Variants in COL6A3 observed in about 807,000 individuals in gnomAD.
The protein encoded by COL6A3 is collagen type VI alpha 3 chain, also known as collagen alpha-3(VI) chain.
COL6A3 carries 137 observed loss-of-function variants against 274.1 expected under a neutral mutation model. The observed-to-expected ratio is 0.50, with a 90% CI of 0.44 to 0.58. The LOEUF is 0.58. Ranked by LOEUF, COL6A3 falls within the 20% of genes least tolerant of loss-of-function variation. COL6A3 has a pLI of 0.00. For synonymous variants in COL6A3, 1,650 were observed against 1,650.6 expected, an observed-to-expected ratio of 1.00 and a Z score of 0.01; for missense variants, 3,950 against 4,124.9, an observed-to-expected ratio of 0.96 and a Z score of 1.16.
chr2:237,375,638 G>A (rs1406910673), intron 7 of COL6A3, among the ~76,000 whole-genome samples: 1 of 152,168 alleles, frequency 6.6e-6, no homozygotes, highest in East Asian at 1.9e-4. Context: ...CGCCTCCCGG[G>A]TTCAAGTGAT....
Position 237,344,279 on chromosome 2 carries a change from G to T in COL6A3, c.7668+71C>A. The stretch of plus-strand genomic sequence containing the variant: ...GGGACATGAAGCCACAAAGGAGCAT[G>T]GACGTGTCTGAGAACCTTCTCAGAG... On this transcript the variant is annotated intron_variant, in intron 36 of 43. Transcript: ENST00000295550. This position sits in a 1 kb window ranked among gnomAD's most constrained non-coding sequence, Gnocchi z 4.8. 1 of 1,608,840 alleles carries T rather than the reference G, an allele frequency of 6.2e-7. No individual in the cohort carries two copies. The highest frequency in any genetic ancestry group is 8.5e-7 in the Non-Finnish European group (1 of 1,176,354).
intron 36 of COL6A3, chr2:237,342,590 C>T: frequency 5.4e-6 from 1 of 185,790 alleles, no homozygotes; most frequent in Non-Finnish European, 1.1e-5. Context: ...AAGCAAGTAA[C>T]AAAATCACTC....
chr2:237,335,701 G>A (rs1203531891), intron 40 of COL6A3, among the ~76,000 whole-genome samples: 1 of 152,222 alleles, frequency 6.6e-6, no homozygotes, highest in Non-Finnish European at 1.5e-5. Flanking sequence ...TTCAAGGCAT[G>A]TTCTAAGGTA....
chr2:237,345,456 G>A (rs75846208), intron 32 of COL6A3, among the ~76,000 whole-genome samples: 1 of 152,176 alleles, frequency 6.6e-6, no homozygotes, highest in Non-Finnish European at 1.5e-5. Flanking sequence ...TCTGAAACCA[G>A]GAAGCTCACC....
At chr2:237,382,678 T>C (rs556881739) in intron 4 of COL6A3, among the ~76,000 whole-genome samples, 2 of 152,370 alleles carry the variant, frequency 1.3e-5, no homozygotes, top group East Asian at 1.9e-4. Context: ...TTCCATCAGA[T>C]AGATTGCATG....
rs886043939 is a variant in COL6A3, at chr2:237,366,891, G to A, written c.5296C>T (p.Leu1766Phe). Residue 1766 changes from leucine (L) to phenylalanine (F), a missense_variant, in exon 11 of 44, where the codon CTC (leucine) becomes TTC (phenylalanine). Physicochemically the swap from Leu to Phe is conservative, Grantham distance 22 (BLOSUM62 0). Coordinates refer to ENST00000295550, the MANE Select transcript of COL6A3 (RefSeq NM_004369.4). ...AACACTTTGACCCCCCTCTGGGTGA[G>A]GGCCAGGCTCACATCCTGTGCATCT... ...VEDAQDVSLA[L>F]TQRGVKVFAV... 3 of 1,614,200 alleles carry A rather than the reference G, an allele frequency of 1.9e-6. No homozygotes were observed. The highest frequency in any genetic ancestry group is 8.5e-7 in the Non-Finnish European group (1 of 1,180,034).
At chr2:237,345,139 G>A (rs760030485) in intron 33 of COL6A3, 42 bp downstream of exon 33, 3 of 1,613,890 alleles carry the variant, frequency 1.9e-6, no homozygotes, top group Non-Finnish European at 2.5e-6. Flanking sequence ...CAAATCAAAG[G>A]CTCATGAGGT....
rs1421946314 is a variant in COL6A3, at chr2:237,355,049, C to A, written c.6592-115G>T. On this transcript the variant is annotated intron_variant, in intron 23 of 43. Transcript: ENST00000295550. Reference sequence around the variant, plus strand: ...TCTGCGGTTACTCAGGGGAATCTTCCCAAGCACCCACATCGTGCCAAGAAC... The same window carrying A: ...TCTGCGGTTACTCAGGGGAATCTTCACAAGCACCCACATCGTGCCAAGAAC... The A allele has an allele frequency of 5.1e-6, 5 of 973,744 alleles. No homozygotes were observed. The South Asian group carries it at 7.4e-5, about 14-fold the overall frequency. The allele number at this position is 973,744 out of a possible 1,614,324, so 60.3% of individuals were successfully genotyped here. A position where few individuals can be genotyped will look rare whatever the true frequency, so the allele number is the denominator to read the frequency against.
rs1232057205 is a variant in COL6A3 at position 237,344,154 on chromosome 2, G to A, written c.7668+196C>T. ...GACCTGGGGGCAGTGCTACAAGCAT[G>A]TAGGCGTCCCTGTAGTGCTGGAGCC... On this transcript the variant is annotated intron_variant, in intron 36 of 43. Coordinates refer to ENST00000295550, the MANE Select transcript of COL6A3 (RefSeq NM_004369.4). The surrounding 1 kb of genome is among the most constrained non-coding windows in gnomAD (Gnocchi z 4.8). The A allele has an allele frequency of 1.3e-5, 10 of 770,102 alleles. No homozygotes were observed. The highest frequency in any genetic ancestry group is 2.0e-5 in the Non-Finnish European group (9 of 443,454). The allele number at this position is 770,102 out of a possible 1,614,324, so 47.7% of individuals were successfully genotyped here. A position where few individuals can be genotyped will look rare whatever the true frequency, so the allele number is the denominator to read the frequency against.
intron 2 of COL6A3, 43 bp from the exon 3 acceptor site, chr2:237,395,247 C>T (rs764459638): frequency 1.2e-6 from 2 of 1,604,790 alleles, no homozygotes; most frequent in South Asian, 2.2e-5. Flanking sequence ...ACTATGTAAG[C>T]AATTACTTCC....
Position 237,394,982 on chromosome 2 carries a change from T to C in COL6A3, c.314A>G (p.His105Arg). 1 of 1,614,200 alleles carries C rather than the reference T, an allele frequency of 6.2e-7. No homozygotes were observed. The highest frequency in any genetic ancestry group is 8.5e-7 in the Non-Finnish European group (1 of 1,180,044). The change falls in exon 3 of 44, where the codon CAT (histidine) becomes CGT (arginine). Residue 105 changes from histidine to arginine, a missense_variant. Transcript: ENST00000295550. ...CCCAATATAAGACATGTTGGAAATATGAGAAAGGACTTCTTGTTTAGTACG... is the reference window on the plus strand; with the variant it reads ...CCCAATATAAGACATGTTGGAAATACGAGAAAGGACTTCTTGTTTAGTACG... ...TYRTKQEVLS[H>R]ISNMSYIGGT...
chr2:237,376,117 C>A (rs934835432), intron 7 of COL6A3, among the ~76,000 whole-genome samples: 1 of 152,124 alleles, frequency 6.6e-6, no homozygotes, highest in Non-Finnish European at 1.5e-5. Flanking sequence ...ACCCAGATGT[C>A]GGAGTTACCA....
intron 28 of COL6A3, among the ~76,000 whole-genome samples, chr2:237,349,583 A>C (rs1400821449): frequency 6.7e-6 from 1 of 148,536 alleles, no homozygotes; most frequent in Non-Finnish European, 1.5e-5. Context: ...CTTTTGGAAA[A>C]AGTCACAATG....
rs398124132 is a variant in COL6A3 at position 237,350,098 on chromosome 2, C to T, written c.6879+49G>A. ...ACCCTCTCCTGGCTTCCTGCACCTT[C>T]CAGCAAAGAGTCAGCGACAGCCTGA... On this transcript the variant is annotated intron_variant, in intron 28 of 43. Transcript: ENST00000295550. The T allele has an allele frequency of 2.5e-6, 4 of 1,579,462 alleles. No individual in the cohort carries two copies. Among genetic ancestry groups the T allele is most frequent in the Non-Finnish European group, 3.5e-6 (4 of 1,148,530 alleles).
chr2:237,398,105 C>T (rs1250546902), intron 1 of COL6A3, among the ~76,000 whole-genome samples: 2 of 152,246 alleles, frequency 1.3e-5, no homozygotes, highest in Non-Finnish European at 2.9e-5. Flanking sequence ...GCAACCCAAC[C>T]ACAGCAGCTG....
chr2:237,342,144 C>T lies in COL6A3; in HGVS notation c.7686G>A (p.Val2562=). 1 of 1,614,174 alleles carries T rather than the reference C, an allele frequency of 6.2e-7. No individual in the cohort carries two copies. The highest frequency in any genetic ancestry group is 8.5e-7 in the Non-Finnish European group (1 of 1,180,018). The part of the protein sequence containing the change: ...INALQINNTA[V]GHALVLPAGR... ...CTGCAGGCAGGACAAGCGCATGCCC[C>T]ACTGCTGTGTTATTGATCTGGTTTA... is the stretch of plus-strand genomic sequence containing the variant. The change falls in exon 37 of 44, where the codon GTG becomes GTA. Residue 2562 remains valine (V), a synonymous_variant. Transcript: ENST00000295550.
In COL6A3 at chr2:237,371,512, G is replaced by T; in HGVS notation, c.4285+220C>A. 3 of 970,920 alleles carry T rather than the reference G, an allele frequency of 3.1e-6. No individual in the cohort carries two copies. The highest frequency in any genetic ancestry group is 4.2e-6 in the Non-Finnish European group (3 of 708,696). 60.1% of individuals were successfully genotyped at this position (970,920 alleles called of 1,614,324 possible). On this transcript the variant is annotated intron_variant, in intron 9 of 43. Coordinates refer to ENST00000295550, the MANE Select transcript of COL6A3 (RefSeq NM_004369.4). This position sits in a 1 kb window ranked among gnomAD's most constrained non-coding sequence, Gnocchi z 4.3. ...ACTGAGGAGGCTGAAGTGGGAGGTT[G>T]GCTGGATCCCAGAAGGCAGAGGTTA...
Position 237,359,940 on chromosome 2 carries a change from C to T in COL6A3, c.6282+148G>A, listed in dbSNP as rs2077398001. Reference sequence around the variant, plus strand: ...CCCCTGCTCCTGAACCCACCCTGCTCAGAACTGCCTTCCAATGAGAGGTCA... The same window carrying T: ...CCCCTGCTCCTGAACCCACCCTGCTTAGAACTGCCTTCCAATGAGAGGTCA... On this transcript the variant is annotated intron_variant, in intron 17 of 43. Coordinates refer to ENST00000295550, the MANE Select transcript of COL6A3 (RefSeq NM_004369.4). 3 of 797,710 alleles carry T rather than the reference C, an allele frequency of 3.8e-6. No homozygotes were observed. The Admixed American group carries it at 6.1e-5, about 16-fold the overall frequency. 49.4% of individuals were successfully genotyped at this position (797,710 alleles called of 1,614,324 possible).
At chr2:237,349,286 T>C (rs2077158038) in intron 28 of COL6A3, among the ~76,000 whole-genome samples, 1 of 152,194 alleles carries the variant, frequency 6.6e-6, no homozygotes, top group Non-Finnish European at 1.5e-5. Flanking sequence ...CTCTAACATA[T>C]GTAGGAATTG....
Sources: allele counts gnomAD v4.1 joint callset (sites outside exome capture counted in the v4.1 genomes callset), GRCh38; gene constraint gnomAD v4.1.1; non-coding constraint Gnocchi (gnomAD v3.1); transcripts MANE v1.5; gene names NCBI Gene and HGNC (gene_info 2026-07-23, HGNC 2026-07-21).